The following MPDZ variants were observed in gnomAD, a reference collection of about 807,000 sequenced individuals.
MPDZ encodes the protein multiple PDZ domain crumbs cell polarity complex component.
A neutral mutation model predicts 239.1 loss-of-function variants in MPDZ; 234 were observed. The ratio of observed to expected loss-of-function variants is 0.98; its 90% CI spans 0.88 to 1.09. The LOEUF is 1.09. Among genes scored for constraint, MPDZ ranks in the 50% least tolerant of loss-of-function variants. The pLI is 0.00. For synonymous variants in MPDZ, 1,048 were observed against 881.3 expected, an observed-to-expected ratio of 1.19 and a Z score of -3.35; for missense variants, 3,175 against 2,510.0, an observed-to-expected ratio of 1.26 and a Z score of -5.66.
At chr9:13,229,371 T>G (rs964308724) in intron 3 of MPDZ, among the ~76,000 whole-genome samples, 1 of 151,898 alleles carries the variant, frequency 6.6e-6, no homozygotes, top group Non-Finnish European at 1.5e-5. Flanking sequence ...GAATGGCATA[T>G]CATAGCAAAA....
At chr9:13,121,292 T>C (rs1944305167) in intron 38 of MPDZ, among the ~76,000 whole-genome samples, 1 of 152,162 alleles carries the variant, frequency 6.6e-6, no homozygotes, top group African/African-American at 2.4e-5. Context: ...TTTTCCCTAA[T>C]TCACTTTAAT....
intron 3 of MPDZ, among the ~76,000 whole-genome samples, chr9:13,228,283 T>C (rs768932199): frequency 1.4e-4 from 21 of 152,142 alleles, no homozygotes; most frequent in Admixed American, 2.6e-4. Flanking sequence ...AATAAACATA[T>C]ATTAATTTAT....
chr9:13,137,755 C>A (rs188208585), intron 29 of MPDZ, among the ~76,000 whole-genome samples: 150 of 152,186 alleles, frequency 9.9e-4, no homozygotes, highest in Admixed American at 2.5e-3. Context: ...ACAGTCATGA[C>A]CTTTTAATGG....
chr9:13,153,864 T>C (rs1949504116), intron 24 of MPDZ, among the ~76,000 whole-genome samples: 1 of 152,128 alleles, frequency 6.6e-6, no homozygotes, highest in African/African-American at 2.4e-5. Context: ...GGGCTCTTTA[T>C]GTTTGGTGCA....
At chr9:13,125,508 T>C (rs1358161986) in intron 34 of MPDZ, 118 bp from the exon 35 acceptor site, 4 of 875,322 alleles carry the variant, frequency 4.6e-6, no homozygotes, top group Non-Finnish European at 6.7e-6. Flanking sequence ...GAGGGACAGA[T>C]GCAAATTATT....
At chr9:13,125,545 G>A (rs1160384731) in intron 34 of MPDZ, among the ~76,000 whole-genome samples, 155 bp from the exon 35 acceptor site, 1 of 152,180 alleles carries the variant, frequency 6.6e-6, no homozygotes, top group Non-Finnish European at 1.5e-5. Context: ...GGTAAAGAAA[G>A]AAATGGCTCT....
chr9:13,192,082 G>T (rs1175777604), intron 15 of MPDZ, 49 bp downstream of exon 15: 3 of 1,422,626 alleles, frequency 2.1e-6, no homozygotes, highest in East Asian at 2.5e-5. Context: ...AAGCCATTTA[G>T]CCTTTCCATT....
intron 18 of MPDZ, among the ~76,000 whole-genome samples, chr9:13,185,004 T>C (rs1489792226): frequency 2.0e-5 from 3 of 152,022 alleles, no homozygotes; most frequent in Non-Finnish European, 2.9e-5. Flanking sequence ...GAATGCTATT[T>C]CGTCGGGTAC....
At chr9:13,129,776 T>C (rs1011291281) in intron 32 of MPDZ, among the ~76,000 whole-genome samples, 16 of 152,138 alleles carry the variant, frequency 1.1e-4, no homozygotes, top group Non-Finnish European at 2.1e-4. Flanking sequence ...TTGCTATGTT[T>C]CCCAGGCTGG....
At chr9:13,266,935 C>T (rs1346178162) in intron 1 of MPDZ, among the ~76,000 whole-genome samples, 1 of 152,206 alleles carries the variant, frequency 6.6e-6, no homozygotes, top group African/African-American at 2.4e-5. Flanking sequence ...AACAAACTAA[C>T]TTTCCATATC....
In MPDZ at chr9:13,206,059, G is replaced by C. The variant is rs1340354769; in HGVS notation, c.1331C>G (p.Ala444Gly). 1.2e-6 allele frequency: 2 copies of C among 1,610,046 alleles called. No individual in the cohort carries two copies. The highest frequency in any genetic ancestry group is 1.7e-6 in the Non-Finnish European group (2 of 1,178,902). ...TCCTGTATGTCGCAATACCTCTACT[G>C]CTTGCTGATTAGTAAAACCCTGAAG... Reference protein sequence around the residue: ...TNLQGFTNQQAVEVLRHTGQT... With the variant: ...TNLQGFTNQQGVEVLRHTGQT... The change falls in exon 11 of 47, where the codon GCA (alanine) becomes GGA (glycine). Residue 444 changes from alanine (A) to glycine (G), a missense_variant. By Grantham distance (60) the Ala-to-Gly change is moderately conservative (BLOSUM62 0). Coordinates refer to ENST00000319217, the MANE Select transcript of MPDZ (RefSeq NM_001378778.1).
intron 22 of MPDZ, among the ~76,000 whole-genome samples, chr9:13,164,389 GA>G (rs1395673237): frequency 6.6e-6 from 1 of 151,742 alleles, no homozygotes; most frequent in Non-Finnish European, 1.5e-5. Context: ...TTTAAACAAT[GA>G]AAAAATAAAA....
chr9:13,239,707 T>C (rs1308955168), intron 3 of MPDZ, among the ~76,000 whole-genome samples: 2 of 152,178 alleles, frequency 1.3e-5, no homozygotes, highest in Non-Finnish European at 2.9e-5. Flanking sequence ...TTAAGTATCA[T>C]ATAAGGTACA....
Position 13,123,199 on chromosome 9 carries a change from C to T in MPDZ, c.4907G>A (p.Arg1636Gln), listed in dbSNP as rs757042894. ...AACGATGCTCAGGCCCAGCCCTGTT[C>T]GCCCTTTGGAAATCTCGATGGTTGT... ...CETTIEISKGRTGLGLSIVGG... is the reference protein window; with the variant it reads ...CETTIEISKGQTGLGLSIVGG... Residue 1636 changes from arginine (R) to glutamine (Q), a missense_variant, in exon 36 of 47, where the codon CGA (arginine) becomes CAA (glutamine). Physicochemically the swap from Arg to Gln is conservative, Grantham distance 43. Transcript: ENST00000319217. The T allele has an allele frequency of 6.8e-6, 11 of 1,613,218 alleles. No individual in the cohort carries two copies. The highest frequency in any genetic ancestry group is 1.3e-5 in the African/African-American group (1 of 75,004).
intron 3 of MPDZ, among the ~76,000 whole-genome samples, chr9:13,237,575 T>A (rs763788225): frequency 1.3e-5 from 2 of 151,610 alleles, no homozygotes; most frequent in African/African-American, 2.4e-5. Context: ...TTTTTTTGTA[T>A]CGTATTTGAA....
intron 2 of MPDZ, among the ~76,000 whole-genome samples, chr9:13,249,800 G>T (rs533737057): frequency 1.3e-5 from 2 of 152,242 alleles, no homozygotes; most frequent in Middle Eastern, 6.8e-3. Context: ...ATGAGTCTGG[G>T]AAATCTAGAT....
In MPDZ at chr9:13,221,398, T is replaced by C. The variant is rs778646949; in HGVS notation, c.850A>G (p.Ile284Val). ...TGATCAGCTACTCCTCCAGGCAGAATGGTTTTTACTATCACACCAGTTGCT... is the reference window on the plus strand; with the variant it reads ...TGATCAGCTACTCCTCCAGGCAGAACGGTTTTTACTATCACACCAGTTGCT... ...GKATGVIVKTILPGGVADQHG... is the reference protein window; with the variant it reads ...GKATGVIVKTVLPGGVADQHG... Residue 284 changes from isoleucine (I) to valine (V), a missense_variant, in exon 7 of 47, where the codon ATT becomes GTT. Transcript: ENST00000319217. The C allele has an allele frequency of 1.9e-6, 3 of 1,610,108 alleles. No individual in the cohort carries two copies. Among genetic ancestry groups the C allele is most frequent in the Middle Eastern group, 1.7e-4 (1 of 6,028 alleles).
At chr9:13,156,710 A>G (rs536957670) in intron 24 of MPDZ, among the ~76,000 whole-genome samples, 1 of 152,288 alleles carries the variant, frequency 6.6e-6, no homozygotes, top group South Asian at 2.1e-4. Flanking sequence ...CTCTCATAAT[A>G]TTGTTACTAA....
Position 13,206,105 on chromosome 9 carries a change from A to T in MPDZ, c.1291-6T>A. ...TGAAGGTTTGTGCCATCTACCTGTG[A>T]TTAAAAAAAAAAAAAAGCATGTTAC... On this transcript the variant is annotated splice_region_variant and splice_polypyrimidine_tract_variant and intron_variant, in intron 10 of 46. Coordinates refer to ENST00000319217, the MANE Select transcript of MPDZ (RefSeq NM_001378778.1). The T allele has an allele frequency of 6.5e-7, 1 of 1,544,980 alleles. No individual in the cohort carries two copies. Among genetic ancestry groups the T allele is most frequent in the South Asian group, 1.2e-5 (1 of 80,950 alleles).
Sources: gnomAD v4.1 joint callset for allele counts (sites outside exome capture counted in the v4.1 genomes callset) on GRCh38, gnomAD v4.1.1 for gene constraint, MANE v1.5 for transcripts, NCBI Gene and HGNC (gene_info 2026-07-23, HGNC 2026-07-21) for gene names.